SLMAP: variants seen among roughly 807,000 people sequenced by gnomAD.
The protein encoded by SLMAP is sarcolemma associated protein.
SLMAP carries 44 observed loss-of-function variants against 128.8 expected under a neutral mutation model. The ratio of observed to expected loss-of-function variants is 0.34; its 90% CI spans 0.27 to 0.44. The LOEUF is 0.44. Among genes scored for constraint, SLMAP ranks in the 20% least tolerant of loss-of-function variants. The pLI, the probability that SLMAP is intolerant of heterozygous loss-of-function variation, is 1.00. For synonymous variants in SLMAP, 327 were observed against 348.8 expected, an observed-to-expected ratio of 0.94 and a Z score of 0.70; for missense variants, 787 against 985.3, an observed-to-expected ratio of 0.80 and a Z score of 2.69.
intron 2 of SLMAP, among the ~76,000 whole-genome samples, chr3:57,774,271 C>G (rs1448568546): frequency 6.6e-6 from 1 of 152,050 alleles, no homozygotes; most frequent in Non-Finnish European, 1.5e-5. Context: ...GATTTGAGAA[C>G]TGTATTAAAA....
At position 57,781,431 on chromosome 3, in the gene SLMAP, A is replaced by G. The variant is rs370658514; in HGVS notation, c.198+23582A>G. Among the ~76,000 whole-genome samples, 26 of 152,326 alleles carry G rather than the reference A, an allele frequency of 1.7e-4. No individual in the cohort carries two copies. In the South Asian group the frequency reaches 5.4e-3, roughly 32 times the overall value. On this transcript the variant is annotated intron_variant, in intron 2 of 24. Coordinates refer to ENST00000671191, the MANE Select transcript of SLMAP (RefSeq NM_001377540.1). The stretch of plus-strand genomic sequence containing the variant: ...ACTGATATGGGAGATTTTCTAAGAT[A>G]TAAATTATTGGGTTAATAAAAGAAC...
intron 19 of SLMAP, among the ~76,000 whole-genome samples, chr3:57,911,459 CAA>C (rs1323488148): frequency 6.6e-6 from 1 of 152,108 alleles, no homozygotes; most frequent in Non-Finnish European, 1.5e-5. Context: ...TGTTCTGCGC[CAA>C]GTTTGATTTT....
At chr3:57,883,688 A>G (rs2095805139) in intron 14 of SLMAP, among the ~76,000 whole-genome samples, 2 of 152,130 alleles carry the variant, frequency 1.3e-5, no homozygotes, top group Non-Finnish European at 2.9e-5. Flanking sequence ...ATAGATGCCA[A>G]CAAAATTTTG....
Position 57,828,885 on chromosome 3 carries a change from A to T in SLMAP, c.199-2498A>T, listed in dbSNP as rs538967276. On this transcript the variant is annotated intron_variant, in intron 2 of 24. Transcript: ENST00000671191. ...GCCGCAACCTCCCAGGGCTCAAGCCATCCTCCCAGCTCAACCTCCCGAGTA... is the reference window on the plus strand; with the variant it reads ...GCCGCAACCTCCCAGGGCTCAAGCCTTCCTCCCAGCTCAACCTCCCGAGTA... 3.3e-5 allele frequency among the ~76,000 whole-genome samples: 5 copies of T among 152,132 alleles called. No individual in the cohort carries two copies. The South Asian group carries it at 1.0e-3, about 32-fold the overall frequency.
At chr3:57,810,653 G>A (rs536231065) in intron 2 of SLMAP, among the ~76,000 whole-genome samples, 4 of 151,992 alleles carry the variant, frequency 2.6e-5, no homozygotes, top group East Asian at 1.9e-4. Flanking sequence ...CGCTACGTCC[G>A]CACTGTTCTT....
At chr3:57,829,363 A>G (rs2153543282) in intron 2 of SLMAP, among the ~76,000 whole-genome samples, 1 of 152,150 alleles carries the variant, frequency 6.6e-6, no homozygotes, top group African/African-American at 2.4e-5. Flanking sequence ...AAGTTTGAAA[A>G]CCACTGTAAA....
chr3:57,836,635 A>G (rs1243213065), intron 3 of SLMAP, among the ~76,000 whole-genome samples: 1 of 152,164 alleles, frequency 6.6e-6, no homozygotes, highest in Non-Finnish European at 1.5e-5. Flanking sequence ...ACTGGACCCC[A>G]CCAACAATCT....
chr3:57,862,599 C>T (rs995575150), intron 10 of SLMAP, among the ~76,000 whole-genome samples: 5 of 142,506 alleles, frequency 3.5e-5, no homozygotes, highest in East Asian at 2.1e-4. Flanking sequence ...GATTGCACCA[C>T]TGCACTCCAG....
chr3:57,803,938 T>G (rs2089212288), intron 2 of SLMAP, among the ~76,000 whole-genome samples: 1 of 152,256 alleles, frequency 6.6e-6, no homozygotes, highest in South Asian at 2.1e-4. Context: ...GATTTTGCTT[T>G]AGGTGCTCAT....
At chr3:57,838,774 G>T (rs939742811) in intron 3 of SLMAP, among the ~76,000 whole-genome samples, 1 of 152,254 alleles carries the variant, frequency 6.6e-6, no homozygotes, top group Non-Finnish European at 1.5e-5. Context: ...TGTGTAAAAG[G>T]CATGGGGCTG....
intron 2 of SLMAP, among the ~76,000 whole-genome samples, chr3:57,767,219 T>C (rs377461904): frequency 6.2e-4 from 94 of 152,296 alleles, no homozygotes; most frequent in African/African-American, 2.2e-3. Flanking sequence ...GCACCCGGCC[T>C]GTATATAATT....
chr3:57,831,235 G>A (rs1212649496), intron 2 of SLMAP, 148 bp from the exon 3 acceptor site: 1 of 473,930 alleles, frequency 2.1e-6, no homozygotes, highest in South Asian at 5.3e-5. Flanking sequence ...TATTAAAGGA[G>A]AACCTTAGCT....
chr3:57,916,951 T>C lies in SLMAP; in HGVS notation c.2184T>C (p.Leu728=). Residue 728 remains leucine, a synonymous_variant, in exon 22 of 25, where the codon CTT becomes CTC. Coordinates refer to ENST00000671191, the MANE Select transcript of SLMAP (RefSeq NM_001377540.1). ...SLELTSDLSI[L]QMSRKELENQ... ...AGCTTACCAGTGATCTCAGCATCCT[T>C]CAAATGTCTAGGAAAGAACTTGAGA... 1 of 1,613,916 alleles carries C rather than the reference T, an allele frequency of 6.2e-7. No individual in the cohort carries two copies. Among genetic ancestry groups the C allele is most frequent in the Non-Finnish European group, 8.5e-7 (1 of 1,179,902 alleles).
intron 19 of SLMAP, 109 bp from the exon 20 acceptor site, chr3:57,912,272 T>C: frequency 1.1e-6 from 1 of 888,762 alleles, no homozygotes; most frequent in Non-Finnish European, 1.8e-6. Flanking sequence ...TTATACACTT[T>C]AATCAAAAGC....
intron 14 of SLMAP, 148 bp downstream of exon 14, chr3:57,871,846 T>G: frequency 1.8e-6 from 1 of 570,414 alleles, no homozygotes. Context: ...TTTTCATAAC[T>G]ATTTGTCTTT....
chr3:57,891,982 T>C (rs778635752), intron 15 of SLMAP, among the ~76,000 whole-genome samples: 7 of 152,202 alleles, frequency 4.6e-5, no homozygotes, highest in Non-Finnish European at 1.0e-4. Context: ...TTAATAAGGG[T>C]ATTTATTAAA....
At chr3:57,776,048 C>T (rs188097901) in intron 2 of SLMAP, among the ~76,000 whole-genome samples, 2 of 152,274 alleles carry the variant, frequency 1.3e-5, no homozygotes, top group African/African-American at 4.8e-5. Context: ...GAAAAGGATA[C>T]TCATTCTCCC....
At chr3:57,792,987 A>G (rs1265879863) in intron 2 of SLMAP, among the ~76,000 whole-genome samples, 3 of 152,052 alleles carry the variant, frequency 2.0e-5, no homozygotes, top group Admixed American at 1.3e-4. Flanking sequence ...AAAATTGCAA[A>G]AATCAGCTGA....
At chr3:57,849,599 A>G (rs2094432223) in intron 5 of SLMAP, among the ~76,000 whole-genome samples, 155 bp from the exon 6 acceptor site, 1 of 152,324 alleles carries the variant, frequency 6.6e-6, no homozygotes, top group African/African-American at 2.4e-5. Flanking sequence ...GAAAAGAAAA[A>G]AATTTAAAAG....
Sources: allele counts gnomAD v4.1 joint callset (sites outside exome capture counted in the v4.1 genomes callset), GRCh38; gene constraint gnomAD v4.1.1; transcripts MANE v1.5; gene names NCBI Gene and HGNC (gene_info 2026-07-23, HGNC 2026-07-21).